Variants in MFSD6 observed in about 807,000 individuals in gnomAD.
MFSD6 encodes the protein major facilitator superfamily domain-containing protein 6.
In MFSD6, 26 loss-of-function variants were observed where a neutral mutation model predicts 56.3. The ratio of observed to expected loss-of-function variants is 0.46; its 90% confidence interval spans 0.34 to 0.64. MFSD6 has a LOEUF of 0.64. MFSD6 is among the 30% of genes least tolerant of loss of function. The pLI is 0.01. For synonymous variants in MFSD6, 331 were observed against 366.9 expected (o/e 0.90, Z 1.12); for missense variants, 750 against 986.2 (o/e 0.76, Z 3.21).
intron 3 of MFSD6, among the ~76,000 whole-genome samples, chr2:190,441,738 A>G (rs1012484936): frequency 2.6e-5 from 4 of 152,038 alleles, no homozygotes; most frequent in African/African-American, 9.7e-5. Context: ...CCTCAGCTCT[A>G]GAGACCTCTG....
Position 190,447,393 on chromosome 2 carries a change from CT to C in MFSD6, c.1532+9835del, listed in dbSNP as rs1265619599. Among the ~76,000 whole-genome samples the C allele has an allele frequency of 6.6e-6, 1 of 152,104 alleles. No homozygotes were observed. The highest frequency in any genetic ancestry group is 1.5e-5 in the Non-Finnish European group (1 of 68,020). ...TTTTAATTTTGTGCCAACTAGAGAG[CT>C]TTGGATTTGTTAAAATATGGCATTT... On this transcript the variant is annotated intron_variant, in intron 3 of 7. Coordinates refer to ENST00000392328, the MANE Select transcript of MFSD6 (RefSeq NM_017694.4). The surrounding 1 kb of genome is among the most constrained non-coding windows in gnomAD (Gnocchi z 4.5).
rs1389791523 is a variant in MFSD6, at chr2:190,425,419, A to C, written c.-54+10006A>C. On this transcript the variant is annotated intron_variant, in intron 2 of 7. Coordinates refer to ENST00000392328, the MANE Select transcript of MFSD6 (RefSeq NM_017694.4). The surrounding 1 kb of genome is among the most constrained non-coding windows in gnomAD (Gnocchi z 4.3). ...AGTCTTGCCTTGTTCCCTATCTTAG[A>C]GAAAAAGCATTCAGTCTTTCACCAT... Among the ~76,000 whole-genome samples, 1 of 152,206 alleles carries C rather than the reference A, an allele frequency of 6.6e-6. No individual in the cohort carries two copies. Among genetic ancestry groups the C allele is most frequent in the Non-Finnish European group, 1.5e-5 (1 of 68,040 alleles).
rs1216751416 is a variant in MFSD6 at position 190,441,042 on chromosome 2, CG to C, written c.1532+3484del. On this transcript the variant is annotated intron_variant, in intron 3 of 7. Coordinates refer to ENST00000392328, the MANE Select transcript of MFSD6 (RefSeq NM_017694.4). ...TATAAGAGGGAAGAAACTCTGCAGCCGGGTGTTCAATGTGAGCTGGCCACTG... is the reference window on the plus strand; with the variant it reads ...TATAAGAGGGAAGAAACTCTGCAGCCGGTGTTCAATGTGAGCTGGCCACTG... Among the ~76,000 whole-genome samples the C allele has an allele frequency of 4.6e-5, 7 of 152,092 alleles. No individual in the cohort carries two copies. The East Asian group carries it at 7.7e-4, about 17-fold the overall frequency.
rs371803418 is a variant in MFSD6, at chr2:190,447,571, A to T, written c.1532+10010A>T. Among the ~76,000 whole-genome samples, 1 of 152,208 alleles carries T rather than the reference A, an allele frequency of 6.6e-6. No homozygotes were observed. Among genetic ancestry groups the T allele is most frequent in the Non-Finnish European group, 1.5e-5 (1 of 68,030 alleles). On this transcript the variant is annotated intron_variant, in intron 3 of 7. Coordinates refer to ENST00000392328, the MANE Select transcript of MFSD6 (RefSeq NM_017694.4). The surrounding 1 kb of genome is among the most constrained non-coding windows in gnomAD (Gnocchi z 4.5). ...ACATTAAAAAATAAATTGCTTATAT[A>T]CTTCTTAGTGCCACGTTTTAGGCAT... is the stretch of plus-strand genomic sequence containing the variant.
In MFSD6 at chr2:190,459,676, A is replaced by C. The variant is rs1205161171; in HGVS notation, c.1533-10082A>C. Among the ~76,000 whole-genome samples the C allele has an allele frequency of 6.6e-6, 1 of 152,212 alleles. No homozygotes were observed. The highest frequency in any genetic ancestry group is 1.5e-5 in the Non-Finnish European group (1 of 68,032). ...AAAATAACAATGGAGAGATATAAAC[A>C]TGGTCACAGCACAGTGACCAGCACA... On this transcript the variant is annotated intron_variant, in intron 3 of 7. Transcript: ENST00000392328. The surrounding 1 kb of genome is among the most constrained non-coding windows in gnomAD (Gnocchi z 5.3).
At chr2:190,432,106 G>A (rs1438953917) in intron 2 of MFSD6, among the ~76,000 whole-genome samples, 2 of 152,194 alleles carry the variant, frequency 1.3e-5, no homozygotes, top group Admixed American at 1.3e-4. Context: ...TTAGTGGAAG[G>A]TCTTGATAAC....
At chr2:190,480,614 C>T (rs1316326482) in intron 4 of MFSD6, among the ~76,000 whole-genome samples, 1 of 152,176 alleles carries the variant, frequency 6.6e-6, no homozygotes, top group Non-Finnish European at 1.5e-5. Context: ...AGGCAGATTA[C>T]CAAAATATGC....
rs552505739 is a variant in MFSD6 at position 190,461,277 on chromosome 2, C to G, written c.1533-8481C>G. On this transcript the variant is annotated intron_variant, in intron 3 of 7. Transcript: ENST00000392328. This position sits in a 1 kb window ranked among gnomAD's most constrained non-coding sequence, Gnocchi z 5.5. ...CACAGTGACTTGATGTCTGTTCATTCTTTGAGAAAGTAGACATGCACTTGG... is the reference window on the plus strand; with the variant it reads ...CACAGTGACTTGATGTCTGTTCATTGTTTGAGAAAGTAGACATGCACTTGG... 6.6e-6 allele frequency among the ~76,000 whole-genome samples: 1 copy of G among 152,276 alleles called. No homozygotes were observed. Among genetic ancestry groups the G allele is most frequent in the South Asian group, 2.1e-4 (1 of 4,814 alleles).
At chr2:190,484,118 G>T (rs1466437497) in intron 4 of MFSD6, among the ~76,000 whole-genome samples, 3 of 152,138 alleles carry the variant, frequency 2.0e-5, no homozygotes, top group Non-Finnish European at 4.4e-5. Flanking sequence ...AGTTGGTATT[G>T]AATTGTCACT....
Position 190,465,039 on chromosome 2 carries a change from C to A in MFSD6, c.1533-4719C>A. ...TCATTGTATCTATATCTTGAACACT[C>A]TTGAAAAAAATACCAGTTTTATTAT... On this transcript the variant is annotated intron_variant, in intron 3 of 7. Transcript: ENST00000392328. This position sits in a 1 kb window ranked among gnomAD's most constrained non-coding sequence, Gnocchi z 4.6. The A allele has an allele frequency of 4.1e-6, 2 of 488,558 alleles. No individual in the cohort carries two copies. Among genetic ancestry groups the A allele is most frequent in the Non-Finnish European group, 5.3e-6 (2 of 374,766 alleles). The allele number at this position is 488,558 out of a possible 1,614,324, so 30.3% of individuals were successfully genotyped here.
chr2:190,476,271 A>G (rs1451757006), intron 4 of MFSD6, among the ~76,000 whole-genome samples: 8 of 152,208 alleles, frequency 5.3e-5, no homozygotes, highest in Non-Finnish European at 7.3e-5. Context: ...TGAACAGGCA[A>G]CCTACAGAAT....
In MFSD6 at chr2:190,494,857, A is replaced by G. The variant is rs1403088120; in HGVS notation, c.1892-2582A>G. On this transcript the variant is annotated intron_variant, in intron 6 of 7. Transcript: ENST00000392328. This position sits in a 1 kb window ranked among gnomAD's most constrained non-coding sequence, Gnocchi z 5.7. Reference sequence around the variant, plus strand: ...CATACAAGAGACATAACACAGTGAAATAAAAGCCATTTGTGATAAACCCAC... The same window carrying G: ...CATACAAGAGACATAACACAGTGAAGTAAAAGCCATTTGTGATAAACCCAC... 1.3e-5 allele frequency among the ~76,000 whole-genome samples: 2 copies of G among 152,190 alleles called. No homozygotes were observed. The highest frequency in any genetic ancestry group is 2.4e-5 in the African/African-American group (1 of 41,450).
Position 190,437,488 on chromosome 2 carries a change from G to A in MFSD6, c.1459G>A (p.Val487Ile), listed in dbSNP as rs529962340. 1 of 1,614,224 alleles carries A rather than the reference G, an allele frequency of 6.2e-7. No homozygotes were observed. The highest frequency in any genetic ancestry group is 1.3e-5 in the African/African-American group (1 of 75,056). The change falls in exon 3 of 8, where the codon GTC becomes ATC. Residue 487 changes from valine to isoleucine, a missense_variant. This residue lies in a region of MFSD6 where 125 missense variants were observed against 223.1 expected (regional missense o/e 0.56). Coordinates refer to ENST00000392328, the MANE Select transcript of MFSD6 (RefSeq NM_017694.4). The surrounding 1 kb of genome is among the most constrained non-coding windows in gnomAD (Gnocchi z 5.9). The part of the protein sequence containing the change: ...GTTTLFGVCS[V>I]LSHVSELTAY... ...TACAACCCTCTTTGGGGTCTGTTCAGTCCTGAGTCATGTGTCTGAGCTGAC... is the reference window on the plus strand; with the variant it reads ...TACAACCCTCTTTGGGGTCTGTTCAATCCTGAGTCATGTGTCTGAGCTGAC...
In MFSD6 at chr2:190,465,052, C is replaced by G. The variant is rs1687528837; in HGVS notation, c.1533-4706C>G. The G allele has an allele frequency of 2.7e-6, 1 of 373,684 alleles. No homozygotes were observed. The highest frequency in any genetic ancestry group is 3.7e-6 in the Non-Finnish European group (1 of 270,180). 23.1% of individuals were successfully genotyped at this position (373,684 alleles called of 1,614,324 possible). A position where few individuals can be genotyped will look rare whatever the true frequency, so the allele number is the denominator to read the frequency against. On this transcript the variant is annotated intron_variant, in intron 3 of 7. Transcript: ENST00000392328. The surrounding 1 kb of genome is among the most constrained non-coding windows in gnomAD (Gnocchi z 4.6). The stretch of plus-strand genomic sequence containing the variant: ...ATCTTGAACACTCTTGAAAAAAATA[C>G]CAGTTTTATTATAAGATAACCACAA...
chr2:190,491,077 G>A lies in MFSD6; in HGVS notation c.1891+1211G>A, dbSNP rs79285514. ...AGTTGTATTTTGAGAAAAATGTATG[G>A]ACTTGAATATCTTTGCTATTAATCA... On this transcript the variant is annotated intron_variant, in intron 6 of 7. Coordinates refer to ENST00000392328, the MANE Select transcript of MFSD6 (RefSeq NM_017694.4). The surrounding 1 kb of genome is among the most constrained non-coding windows in gnomAD (Gnocchi z 4.2). Among the ~76,000 whole-genome samples the A allele has an allele frequency of 2.4e-3, 369 of 152,246 alleles. 2 individuals are homozygous for A. The highest frequency in any genetic ancestry group is 8.7e-3 in the African/African-American group (361 of 41,528).
Position 190,410,423 on chromosome 2 carries a change from A to C in MFSD6, c.-176+1920A>C, listed in dbSNP as rs182647606. On this transcript the variant is annotated intron_variant, in intron 1 of 7. Coordinates refer to ENST00000392328, the MANE Select transcript of MFSD6 (RefSeq NM_017694.4). The surrounding 1 kb of genome is among the most constrained non-coding windows in gnomAD (Gnocchi z 4.4). ...CACATGGTGTCCCTCCCTAATCAGA[A>C]CCTATTAAGTCTCTCCACCTACGCA... Among the ~76,000 whole-genome samples, 121 of 152,274 alleles carry C rather than the reference A, an allele frequency of 7.9e-4. No homozygotes were observed. Among genetic ancestry groups the C allele is most frequent in the African/African-American group, 2.8e-3 (118 of 41,554 alleles).
In MFSD6 at chr2:190,461,787, G is replaced by A. The variant is rs572501066; in HGVS notation, c.1533-7971G>A. 6.6e-6 allele frequency among the ~76,000 whole-genome samples: 1 copy of A among 152,246 alleles called. No individual in the cohort carries two copies. The highest frequency in any genetic ancestry group is 2.1e-4 in the South Asian group (1 of 4,816). The stretch of plus-strand genomic sequence containing the variant: ...AATTAGTTTCAACATATGAATTTTG[G>A]AGGGTATACAGACATTTAAACTGTA... On this transcript the variant is annotated intron_variant, in intron 3 of 7. Coordinates refer to ENST00000392328, the MANE Select transcript of MFSD6 (RefSeq NM_017694.4). The surrounding 1 kb of genome is among the most constrained non-coding windows in gnomAD (Gnocchi z 5.5).
At position 190,431,643 on chromosome 2, in the gene MFSD6, G is replaced by A. The variant is rs1373680716; in HGVS notation, c.-53-4334G>A. Reference sequence around the variant, plus strand: ...TCAGGCAGGGAGGTTGCAGTGAGCCGAGATGGCAGCAGTACAGTCCAGCTT... The same window carrying A: ...TCAGGCAGGGAGGTTGCAGTGAGCCAAGATGGCAGCAGTACAGTCCAGCTT... On this transcript the variant is annotated intron_variant, in intron 2 of 7. Transcript: ENST00000392328. The surrounding 1 kb of genome is among the most constrained non-coding windows in gnomAD (Gnocchi z 4.4). Among the ~76,000 whole-genome samples, 2 of 152,208 alleles carry A rather than the reference G, an allele frequency of 1.3e-5. No homozygotes were observed. The highest frequency in any genetic ancestry group is 2.4e-5 in the African/African-American group (1 of 41,462).
intron 4 of MFSD6, among the ~76,000 whole-genome samples, chr2:190,475,875 T>C (rs1198519886): frequency 6.6e-6 from 1 of 151,918 alleles, no homozygotes; most frequent in African/African-American, 2.4e-5. Context: ...TATAGACCAA[T>C]GGAACAGAAC....
Sources: allele counts gnomAD v4.1 joint callset (sites outside exome capture counted in the v4.1 genomes callset), GRCh38; gene constraint gnomAD v4.1.1; regional missense constraint gnomAD v4.1.1; non-coding constraint Gnocchi (gnomAD v3.1); transcripts MANE v1.5; gene names NCBI Gene and HGNC (gene_info 2026-07-23, HGNC 2026-07-21).